ZFAT: variants seen among roughly 807,000 people sequenced by gnomAD.
ZFAT encodes the protein zinc finger and AT-hook domain containing.
A neutral mutation model predicts 117.7 loss-of-function variants in ZFAT; 64 were observed. The ratio of observed to expected loss-of-function variants is 0.54; its 90% CI spans 0.44 to 0.67. The LOEUF is 0.67. Ranked by LOEUF, ZFAT falls within the 30% of genes least tolerant of loss-of-function variation. The pLI, the probability that ZFAT is intolerant of heterozygous loss-of-function variation, is 0.00. For synonymous variants in ZFAT, 679 were observed against 615.0 expected (o/e 1.10, Z -1.54); for missense variants, 1,433 against 1,584.5 (o/e 0.90, Z 1.62).
At chr8:134,483,503 T>C (rs1212749439) in intron 15 of ZFAT, among the ~76,000 whole-genome samples, 3 of 152,208 alleles carry the variant, frequency 2.0e-5, no homozygotes, top group Non-Finnish European at 4.4e-5. Context: ...AACCACTCTC[T>C]TTGTTCAAAA....
At chr8:134,677,233 T>C (rs1443129962) in intron 1 of ZFAT, among the ~76,000 whole-genome samples, 1 of 151,956 alleles carries the variant, frequency 6.6e-6, no homozygotes, top group Non-Finnish European at 1.5e-5. Context: ...AAGAAACAAA[T>C]AGACGCAATA....
the ZFAT span, among the ~76,000 whole-genome samples, chr8:134,777,038 T>A: frequency 6.6e-6 from 1 of 152,228 alleles, no homozygotes; most frequent in African/African-American, 2.4e-5. Context: ...GTATGTGAAA[T>A]CAGAAATTCT....
chr8:134,742,085 C>G, the ZFAT span, among the ~76,000 whole-genome samples: 1 of 152,118 alleles, frequency 6.6e-6, no homozygotes, highest in Non-Finnish European at 1.5e-5. Flanking sequence ...CCAATCCAGT[C>G]TCCTCTCTGC....
At chr8:134,748,234 C>T in the ZFAT span, among the ~76,000 whole-genome samples, 1 of 152,178 alleles carries the variant, frequency 6.6e-6, no homozygotes, top group Non-Finnish European at 1.5e-5. Flanking sequence ...ACCCCCTCTT[C>T]CACCCTCCAG....
intron 15 of ZFAT, among the ~76,000 whole-genome samples, chr8:134,497,625 T>G (rs373655349): frequency 4.7e-4 from 13 of 27,834 alleles, no homozygotes; most frequent in Admixed American, 9.1e-4. Context: ...GGTGGAGCCG[T>G]GATGCCCCTG....
the ZFAT span, among the ~76,000 whole-genome samples, chr8:134,748,817 G>A: frequency 6.6e-6 from 1 of 152,180 alleles, no homozygotes; most frequent in East Asian, 1.9e-4. Flanking sequence ...TTAACATTGA[G>A]GTTGAGCACT....
intron 1 of ZFAT, among the ~76,000 whole-genome samples, chr8:134,675,542 T>C (rs529707956): frequency 5.3e-5 from 8 of 152,294 alleles, no homozygotes; most frequent in African/African-American, 1.9e-4. Flanking sequence ...CAGGATATTA[T>C]CCAGGAGAAC....
the ZFAT span, among the ~76,000 whole-genome samples, chr8:134,775,809 C>T: frequency 6.6e-6 from 1 of 152,140 alleles, no homozygotes; most frequent in Non-Finnish European, 1.5e-5. Flanking sequence ...GGAGAGAAAA[C>T]CCCACTATTA....
chr8:134,478,266 G>A lies in ZFAT; in HGVS notation c.*216C>T, dbSNP rs975371525. 2 of 621,442 alleles carry A rather than the reference G, an allele frequency of 3.2e-6. No homozygotes were observed. Among genetic ancestry groups the A allele is most frequent in the Admixed American group, 3.0e-5 (1 of 33,676 alleles). 38.5% of individuals were successfully genotyped at this position (621,442 alleles called of 1,614,324 possible). A position where few individuals can be genotyped will look rare whatever the true frequency, so the allele number is the denominator to read the frequency against. On this transcript the variant is annotated 3_prime_UTR_variant, in exon 16 of 16. Coordinates refer to ENST00000377838, the MANE Select transcript of ZFAT (RefSeq NM_020863.4). This position sits in a 1 kb window ranked among gnomAD's most constrained non-coding sequence, Gnocchi z 5.2. ...GCAGATGGTAAGGGTCAGGGGGTGTGTGTCTATGCTGGGGTGAGGGTCCTG... is the reference window on the plus strand; with the variant it reads ...GCAGATGGTAAGGGTCAGGGGGTGTATGTCTATGCTGGGGTGAGGGTCCTG...
intron 1 of ZFAT, among the ~76,000 whole-genome samples, chr8:134,683,741 T>A (rs879616036): frequency 6.6e-6 from 1 of 151,800 alleles, no homozygotes; most frequent in Non-Finnish European, 1.5e-5. Context: ...AAGAAGCTCC[T>A]GCCCCGCAAG....
intron 3 of ZFAT, among the ~76,000 whole-genome samples, chr8:134,627,259 C>A (rs1365322254): frequency 6.6e-6 from 1 of 152,154 alleles, no homozygotes; most frequent in Admixed American, 6.5e-5. Context: ...TGTTGCAAAA[C>A]TGTCTGCATT....
chr8:134,583,804 G>A (rs1268726404), intron 10 of ZFAT, 28 bp downstream of exon 10: 1 of 1,610,308 alleles, frequency 6.2e-7, no homozygotes. Context: ...ATTTAGAGGG[G>A]AAAGTTCACC....
chr8:134,815,573 T>C, the ZFAT span, among the ~76,000 whole-genome samples: 2 of 152,246 alleles, frequency 1.3e-5, no homozygotes, highest in African/African-American at 4.8e-5. Flanking sequence ...ATTCTTCTTA[T>C]TGTGGCTTGT....
intron 3 of ZFAT, among the ~76,000 whole-genome samples, chr8:134,613,068 T>C (rs1419029525): frequency 1.3e-5 from 2 of 152,320 alleles, no homozygotes; most frequent in South Asian, 2.1e-4. Flanking sequence ...TAGCAGAATA[T>C]ATTGGATGCT....
chr8:134,638,965 A>G (rs183911823), intron 2 of ZFAT, among the ~76,000 whole-genome samples: 4 of 152,314 alleles, frequency 2.6e-5, no homozygotes, highest in Middle Eastern at 6.8e-3. Context: ...AGGAAGGAGT[A>G]CTAGATTCTG....
chr8:134,543,134 T>A (rs891370629), intron 11 of ZFAT, among the ~76,000 whole-genome samples: 1 of 144,288 alleles, frequency 6.9e-6, no homozygotes, highest in South Asian at 2.3e-4. Context: ...ACAGAAGAGA[T>A]AGGGTAACAT....
At chr8:134,576,717 T>A (rs1179786638) in intron 10 of ZFAT, among the ~76,000 whole-genome samples, 1 of 152,176 alleles carries the variant, frequency 6.6e-6, no homozygotes, top group Non-Finnish European at 1.5e-5. Flanking sequence ...TAGAATATTT[T>A]AATTTGCAGC....
chr8:134,502,683 T>A (rs1295494270), intron 15 of ZFAT, among the ~76,000 whole-genome samples: 1 of 152,160 alleles, frequency 6.6e-6, no homozygotes, highest in East Asian at 1.9e-4. Context: ...GTGGGGTGAT[T>A]TGGGCAAAGC....
intron 2 of ZFAT, among the ~76,000 whole-genome samples, chr8:134,648,199 G>A (rs1447364681): frequency 6.6e-6 from 1 of 151,614 alleles, no homozygotes; most frequent in African/African-American, 2.4e-5. Flanking sequence ...AAGAAAGAGA[G>A]AGAAGGATCT....
Sources: gnomAD v4.1 joint callset for allele counts (sites outside exome capture counted in the v4.1 genomes callset) on GRCh38, gnomAD v4.1.1 for gene constraint, Gnocchi (gnomAD v3.1) non-coding constraint, MANE v1.5 for transcripts, NCBI Gene and HGNC (gene_info 2026-07-23, HGNC 2026-07-21) for gene names.